Variants in TMEM163 observed in about 807,000 individuals in gnomAD.
The protein encoded by TMEM163 is transmembrane protein 163.
TMEM163 carries 17 observed loss-of-function variants against 29.3 expected under a neutral mutation model. The ratio of observed to expected loss-of-function variants is 0.58; its 90% CI spans 0.40 to 0.87. TMEM163 has a LOEUF of 0.87. TMEM163 is among the 40% of genes least tolerant of loss of function. The probability of loss-of-function intolerance (pLI) is 0.00; values close to 1 mark genes in which losing one functional copy is unlikely to be tolerated. For synonymous variants in TMEM163, 157 were observed against 160.6 expected (o/e 0.98, Z 0.17); for missense variants, 303 against 381.5 (o/e 0.79, Z 1.71).
At chr2:134,691,499 T>C (rs1389840807) in intron 2 of TMEM163, among the ~76,000 whole-genome samples, 3 of 152,248 alleles carry the variant, frequency 2.0e-5, no homozygotes, top group African/African-American at 7.2e-5. Flanking sequence ...ATGTTATTCA[T>C]TGTATTTCCA....
chr2:134,688,413 A>G (rs1369744673), intron 2 of TMEM163, among the ~76,000 whole-genome samples: 1 of 152,162 alleles, frequency 6.6e-6, no homozygotes, highest in Non-Finnish European at 1.5e-5. Flanking sequence ...AAAAGTCAAT[A>G]ATCGACCTAT....
At chr2:134,462,261 G>C (rs1033541560) in intron 6 of TMEM163, among the ~76,000 whole-genome samples, 1 of 151,682 alleles carries the variant, frequency 6.6e-6, no homozygotes, top group Non-Finnish European at 1.5e-5. Context: ...CACCCTATCC[G>C]AGCTGCCATC....
At chr2:134,507,855 TCACA>T (rs140934225) in intron 4 of TMEM163, among the ~76,000 whole-genome samples, 1 of 150,568 alleles carries the variant, frequency 6.6e-6, no homozygotes, top group Non-Finnish European at 1.5e-5. Flanking sequence ...AGACCCTGTC[TCACA>T]CACACACACA....
intron 2 of TMEM163, among the ~76,000 whole-genome samples, chr2:134,580,535 A>C (rs1193833365): frequency 1.3e-5 from 2 of 152,232 alleles, no homozygotes; most frequent in Non-Finnish European, 2.9e-5. Context: ...AAATTCATTC[A>C]TTTATTGTGC....
At chr2:134,512,430 G>C (rs1237049231) in intron 4 of TMEM163, among the ~76,000 whole-genome samples, 1 of 152,212 alleles carries the variant, frequency 6.6e-6, no homozygotes, top group African/African-American at 2.4e-5. Context: ...CTGCACTCTA[G>C]CCTGGGCAAC....
intron 2 of TMEM163, among the ~76,000 whole-genome samples, chr2:134,598,625 C>T (rs957949541): frequency 1.2e-4 from 19 of 152,056 alleles, no homozygotes; most frequent in African/African-American, 3.9e-4. Context: ...AAAAAGAAAG[C>T]GTTGCAGGCT....
At chr2:134,561,507 C>T (rs1423629814) in intron 2 of TMEM163, among the ~76,000 whole-genome samples, 2 of 151,944 alleles carry the variant, frequency 1.3e-5, no homozygotes, top group African/African-American at 2.4e-5. Flanking sequence ...CCACCACGCC[C>T]GGCTAATTTT....
chr2:134,542,795 C>T (rs1039462515), intron 4 of TMEM163, among the ~76,000 whole-genome samples: 9 of 152,130 alleles, frequency 5.9e-5, no homozygotes, highest in African/African-American at 2.2e-4. Flanking sequence ...TCTGCAGGGC[C>T]ACCCTCCCTA....
intron 5 of TMEM163, among the ~76,000 whole-genome samples, chr2:134,487,672 C>G (rs1167585980): frequency 6.6e-6 from 1 of 152,146 alleles, no homozygotes; most frequent in Admixed American, 6.5e-5. Context: ...GAGAATGACT[C>G]TAGAACAAAA....
chr2:134,718,116 C>A (rs1205086129), intron 1 of TMEM163, among the ~76,000 whole-genome samples: 1 of 152,266 alleles, frequency 6.6e-6, no homozygotes, highest in Non-Finnish European at 1.5e-5. Context: ...CATTCCTCTG[C>A]CCCATCATGA....
At chr2:134,650,451 A>G (rs1001854337) in intron 2 of TMEM163, among the ~76,000 whole-genome samples, 2 of 151,612 alleles carry the variant, frequency 1.3e-5, no homozygotes, top group East Asian at 1.9e-4. Flanking sequence ...CATATCATCA[A>G]TGAAGACAGA....
chr2:134,707,810 T>C (rs1471545826), intron 2 of TMEM163, among the ~76,000 whole-genome samples: 7 of 151,734 alleles, frequency 4.6e-5, no homozygotes, highest in African/African-American at 1.5e-4. Flanking sequence ...GTGAGATGGG[T>C]TGCCCAAAGG....
chr2:134,518,747 T>C (rs769542494), intron 4 of TMEM163, among the ~76,000 whole-genome samples: 9 of 152,096 alleles, frequency 5.9e-5, no homozygotes, highest in Non-Finnish European at 1.0e-4. Context: ...CTCAATTGAC[T>C]TTTCCTCTTT....
rs192140837 is a variant in TMEM163, at chr2:134,545,771, C to T, written c.458+4799G>A. ...CCTAAATCTGTGCCAATAAATGAAA[C>T]GCCTATGGAATCTTGGTTTTTAGCA... On this transcript the variant is annotated intron_variant, in intron 4 of 7. Coordinates refer to ENST00000281924, the MANE Select transcript of TMEM163 (RefSeq NM_030923.5). 1.2e-4 allele frequency among the ~76,000 whole-genome samples: 19 copies of T among 152,320 alleles called. No individual in the cohort carries two copies. In the East Asian group the frequency reaches 3.3e-3, roughly 26 times the overall value.
At chr2:134,687,731 A>C (rs751355312) in intron 2 of TMEM163, among the ~76,000 whole-genome samples, 1 of 152,182 alleles carries the variant, frequency 6.6e-6, no homozygotes, top group Non-Finnish European at 1.5e-5. Context: ...GGACTTTTTC[A>C]TCAGAAAAGA....
At chr2:134,595,615 C>T (rs555288358) in intron 2 of TMEM163, among the ~76,000 whole-genome samples, 1 of 152,152 alleles carries the variant, frequency 6.6e-6, no homozygotes, top group African/African-American at 2.4e-5. Flanking sequence ...ATTTATAACG[C>T]TTTAGGTATA....
At chr2:134,611,079 CCAAA>C (rs766469704) in intron 2 of TMEM163, among the ~76,000 whole-genome samples, 29 of 152,088 alleles carry the variant, frequency 1.9e-4, no homozygotes, top group Non-Finnish European at 3.8e-4. Flanking sequence ...TGGAAAAAAA[CCAAA>C]CAAATAAAAA....
intron 2 of TMEM163, among the ~76,000 whole-genome samples, chr2:134,575,793 A>T (rs1574250257): frequency 1.3e-5 from 2 of 152,270 alleles, no homozygotes; most frequent in South Asian, 4.1e-4. Flanking sequence ...AGATTTCAGC[A>T]GGTGCGTGGG....
At chr2:134,570,578 C>T (rs1681400609) in intron 2 of TMEM163, among the ~76,000 whole-genome samples, 1 of 151,818 alleles carries the variant, frequency 6.6e-6, no homozygotes, top group South Asian at 2.1e-4. Context: ...AAGAAAGCCT[C>T]TTTTTTTCTA....
Sources: allele counts gnomAD v4.1 joint callset (sites outside exome capture counted in the v4.1 genomes callset), GRCh38; gene constraint gnomAD v4.1.1; transcripts MANE v1.5; gene names NCBI Gene and HGNC (gene_info 2026-07-23, HGNC 2026-07-21).